The following PTPRT variants were observed in gnomAD, a reference collection of about 807,000 sequenced individuals.
The protein encoded by PTPRT is receptor-type tyrosine-protein phosphatase T.
In PTPRT, 56 loss-of-function variants were observed where a neutral mutation model predicts 176.8. The ratio of observed to expected loss-of-function variants is 0.32; its 90% confidence interval spans 0.26 to 0.40. PTPRT has a LOEUF of 0.40. Among genes scored for constraint, PTPRT ranks in the 10% least tolerant of loss-of-function variants. PTPRT has a pLI of 1.00. For missense variants in PTPRT, 1,540 were observed against 1,908.2 expected, an observed-to-expected ratio of 0.81 and a Z score of 3.60; for synonymous variants, 783 against 739.0, an observed-to-expected ratio of 1.06 and a Z score of -0.96.
At chr20:43,127,500 T>A (rs1354899297) in intron 1 of PTPRT, among the ~76,000 whole-genome samples, 1 of 151,314 alleles carries the variant, frequency 6.6e-6, no homozygotes, top group Non-Finnish European at 1.5e-5. Context: ...CTAACATTAA[T>A]AAGAGCCAGA....
At chr20:42,411,784 C>T (rs780039697) in intron 9 of PTPRT, among the ~76,000 whole-genome samples, 4 of 151,692 alleles carry the variant, frequency 2.6e-5, no homozygotes, top group Non-Finnish European at 4.4e-5. Context: ...AATTAGGTAA[C>T]GCATTTCACC....
chr20:42,757,847 A>G (rs1431386542), intron 5 of PTPRT, among the ~76,000 whole-genome samples: 1 of 152,216 alleles, frequency 6.6e-6, no homozygotes, highest in Non-Finnish European at 1.5e-5. Context: ...GGTAAGGCAC[A>G]TGCATGTTGG....
intron 1 of PTPRT, among the ~76,000 whole-genome samples, chr20:42,949,436 C>A (rs1042371336): frequency 6.6e-6 from 1 of 152,238 alleles, no homozygotes; most frequent in Non-Finnish European, 1.5e-5. Context: ...CAACTACCCT[C>A]CAGCTATTCC....
chr20:43,036,215 T>C (rs747295242), intron 1 of PTPRT, among the ~76,000 whole-genome samples: 9 of 152,244 alleles, frequency 5.9e-5, no homozygotes, highest in Admixed American at 3.9e-4. Context: ...TGTTTTGCTA[T>C]GTATTTTCCT....
intron 7 of PTPRT, among the ~76,000 whole-genome samples, chr20:42,653,663 G>T (rs2075072184): frequency 6.6e-6 from 1 of 152,116 alleles, no homozygotes; most frequent in African/African-American, 2.4e-5. Flanking sequence ...GAATATTTTT[G>T]TCATAAAATT....
At chr20:43,069,534 A>G (rs993432664) in intron 1 of PTPRT, among the ~76,000 whole-genome samples, 6 of 152,236 alleles carry the variant, frequency 3.9e-5, no homozygotes, top group Non-Finnish European at 8.8e-5. Context: ...ATATTTATTC[A>G]TCCCTGATCT....
chr20:43,026,752 C>G (rs1184664196), intron 1 of PTPRT, among the ~76,000 whole-genome samples: 2 of 152,172 alleles, frequency 1.3e-5, no homozygotes, highest in Non-Finnish European at 2.9e-5. Context: ...CCCTTCCCAG[C>G]TTCTGGTAAC....
chr20:43,118,091 G>T (rs1171323430), intron 1 of PTPRT, among the ~76,000 whole-genome samples: 1 of 152,152 alleles, frequency 6.6e-6, no homozygotes, highest in Non-Finnish European at 1.5e-5. Flanking sequence ...TCTGTAAAGG[G>T]ACATATAATA....
intron 2 of PTPRT, among the ~76,000 whole-genome samples, chr20:42,829,155 C>T (rs767918914): frequency 2.0e-5 from 3 of 152,156 alleles, no homozygotes; most frequent in Admixed American, 6.5e-5. Context: ...ATGTGAGACA[C>T]GGAGTCAAAG....
intron 16 of PTPRT, among the ~76,000 whole-genome samples, chr20:42,184,387 A>T (rs1376153685): frequency 6.6e-6 from 1 of 151,894 alleles, no homozygotes; most frequent in Admixed American, 6.6e-5. Context: ...AAGTACCTTA[A>T]GGATTCTATT....
intron 1 of PTPRT, among the ~76,000 whole-genome samples, chr20:43,007,426 GTTAT>G (rs1038795086): frequency 2.0e-5 from 3 of 152,122 alleles, no homozygotes; most frequent in African/African-American, 7.2e-5. Context: ...GCCTTCATGC[GTTAT>G]TTATCATTTC....
At chr20:42,333,456 C>T (rs6030147) in intron 11 of PTPRT, among the ~76,000 whole-genome samples, 1 of 151,828 alleles carries the variant, frequency 6.6e-6, no homozygotes, top group Non-Finnish European at 1.5e-5. Context: ...CTCAGCCTCC[C>T]GAGTAGCTGG....
chr20:42,186,704 T>G (rs1352154228), intron 16 of PTPRT, among the ~76,000 whole-genome samples: 2 of 152,072 alleles, frequency 1.3e-5, no homozygotes, highest in Non-Finnish European at 2.9e-5. Flanking sequence ...AGATTTGCCT[T>G]GAAAAGGTCT....
At chr20:42,681,718 G>A (rs1204147054) in intron 6 of PTPRT, among the ~76,000 whole-genome samples, 1 of 152,152 alleles carries the variant, frequency 6.6e-6, no homozygotes, top group Non-Finnish European at 1.5e-5. Context: ...GAGAAGTCAG[G>A]AGAGAAGGAA....
intron 15 of PTPRT, among the ~76,000 whole-genome samples, chr20:42,215,223 G>T (rs1051017241): frequency 2.6e-5 from 4 of 152,094 alleles, no homozygotes; most frequent in Admixed American, 2.6e-4. Context: ...CTCTGTTCTT[G>T]GTGTTGCAGA....
intron 1 of PTPRT, among the ~76,000 whole-genome samples, chr20:43,078,396 G>A (rs1482240649): frequency 3.3e-5 from 5 of 152,132 alleles, no homozygotes; most frequent in Non-Finnish European, 5.9e-5. Flanking sequence ...ATTGGTGACC[G>A]AACACAGCCC....
chr20:42,903,981 G>A (rs930210774), intron 1 of PTPRT, among the ~76,000 whole-genome samples: 5 of 152,182 alleles, frequency 3.3e-5, no homozygotes, highest in African/African-American at 1.2e-4. Context: ...CACTCTCCTA[G>A]CAATTACAGG....
At chr20:42,567,291 A>G (rs2073055983) in intron 7 of PTPRT, among the ~76,000 whole-genome samples, 1 of 150,410 alleles carries the variant, frequency 6.6e-6, no homozygotes, top group Admixed American at 6.6e-5. Context: ...AAAAAAATAA[A>G]AGAGAGAGAG....
chr20:42,040,312 C>T, the PTPRT span, among the ~76,000 whole-genome samples: 16 of 152,058 alleles, frequency 1.1e-4, no homozygotes, highest in South Asian at 2.1e-4. Flanking sequence ...GGGGCCACAC[C>T]GGGAGGAGAA....
Sources: gnomAD v4.1 joint callset for allele counts (sites outside exome capture counted in the v4.1 genomes callset) on GRCh38, gnomAD v4.1.1 for gene constraint, MANE v1.5 for transcripts, NCBI Gene and HGNC (gene_info 2026-07-23, HGNC 2026-07-21) for gene names.